Variants in LYPD6B observed in about 807,000 individuals in gnomAD.
The protein encoded by LYPD6B is LY6/PLAUR domain containing 6B.
A neutral mutation model predicts 22.8 loss-of-function variants in LYPD6B; 17 were observed. That is an observed-to-expected ratio of 0.75 (90% confidence interval 0.51 to 1.12). The LOEUF (loss-of-function observed/expected upper bound fraction) is 1.12. LYPD6B is among the 50% of genes most tolerant of loss of function. The pLI is 0.00. For synonymous variants in LYPD6B, 106 were observed against 91.6 expected (o/e 1.16, Z -0.90); for missense variants, 221 against 258.3 (o/e 0.86, Z 0.99).
intron 1 of LYPD6B, among the ~76,000 whole-genome samples, chr2:149,129,277 GC>G (rs1044788169): frequency 1.6e-4 from 24 of 152,176 alleles, no homozygotes; most frequent in Non-Finnish European, 3.5e-4. Flanking sequence ...AAATTTAAGA[GC>G]TATAGCGGGT....
chr2:149,194,955 T>G (rs1156462235), intron 3 of LYPD6B, among the ~76,000 whole-genome samples: 1 of 152,234 alleles, frequency 6.6e-6, no homozygotes, highest in Admixed American at 6.5e-5. Flanking sequence ...AGGCCGTTGT[T>G]GAACAGACCT....
intron 3 of LYPD6B, among the ~76,000 whole-genome samples, chr2:149,177,804 C>T (rs1375173620): frequency 6.6e-6 from 1 of 150,842 alleles, no homozygotes; most frequent in East Asian, 2.0e-4. Context: ...CTTCTCCTTA[C>T]ACAACCTGGC....
At chr2:149,143,712 A>T (rs1191038226) in intron 2 of LYPD6B, 1 of 152,184 alleles carries the variant, frequency 6.6e-6, no homozygotes, top group Non-Finnish European at 1.5e-5. Flanking sequence ...TTAAATTGCA[A>T]TTATAACTAA....
intron 2 of LYPD6B, among the ~76,000 whole-genome samples, chr2:149,136,538 A>G (rs1688382837): frequency 6.6e-6 from 1 of 152,204 alleles, no homozygotes; most frequent in Non-Finnish European, 1.5e-5. Flanking sequence ...CATGATTGCA[A>G]CTCTCTAATA....
In LYPD6B at chr2:149,077,055, G is replaced by T. The variant is rs138158625; in HGVS notation, c.-67+38254G>T. On this transcript the variant is annotated intron_variant, in intron 1 of 6. Coordinates refer to ENST00000409642, the MANE Select transcript of LYPD6B (RefSeq NM_177964.5). The stretch of plus-strand genomic sequence containing the variant: ...CATGCACTCCTGGTATTTGTAATTT[G>T]CAGTGATGACAAACTGTGCCTCTGG... Among the ~76,000 whole-genome samples, 312 of 152,340 alleles carry T rather than the reference G, an allele frequency of 2.0e-3. 2 individuals are homozygous for T. The highest frequency in any genetic ancestry group is 4.6e-3 in the Admixed American group (71 of 15,300).
intron 1 of LYPD6B, among the ~76,000 whole-genome samples, chr2:149,047,383 A>T (rs929428286): frequency 6.7e-6 from 1 of 150,218 alleles, no homozygotes; most frequent in Non-Finnish European, 1.5e-5. Flanking sequence ...TTGACAATTT[A>T]AAAAAAAAAT....
At chr2:149,064,767 G>A (rs2105333667) in intron 1 of LYPD6B, among the ~76,000 whole-genome samples, 1 of 152,298 alleles carries the variant, frequency 6.6e-6, no homozygotes. Context: ...GAGGCTGGTG[G>A]GAATTCTCTG....
At chr2:149,051,527 CA>C (rs1381458702) in intron 1 of LYPD6B, among the ~76,000 whole-genome samples, 12 of 152,228 alleles carry the variant, frequency 7.9e-5, no homozygotes, top group African/African-American at 2.9e-4. Flanking sequence ...GCTATACTTT[CA>C]GCTAGAATTC....
chr2:149,100,280 T>C (rs1686130776), intron 1 of LYPD6B, among the ~76,000 whole-genome samples: 1 of 152,126 alleles, frequency 6.6e-6, no homozygotes, highest in Non-Finnish European at 1.5e-5. Flanking sequence ...CATTGGCTCA[T>C]GAACTGATGC....
intron 4 of LYPD6B, among the ~76,000 whole-genome samples, chr2:149,208,081 C>A (rs1693613208): frequency 6.6e-6 from 1 of 152,114 alleles, no homozygotes; most frequent in South Asian, 2.1e-4. Context: ...TGTGGGACCA[C>A]TTTCATCACT....
At chr2:149,185,202 T>C (rs1692010003) in intron 3 of LYPD6B, among the ~76,000 whole-genome samples, 1 of 152,168 alleles carries the variant, frequency 6.6e-6, no homozygotes, top group East Asian at 1.9e-4. Flanking sequence ...AAGGCAAGAT[T>C]TTTTTCAGTG....
At chr2:149,092,200 A>T (rs536739001) in intron 1 of LYPD6B, among the ~76,000 whole-genome samples, 1 of 152,066 alleles carries the variant, frequency 6.6e-6, no homozygotes, top group African/African-American at 2.4e-5. Context: ...TGGGGGGGGA[A>T]TTTTAGATGT....
chr2:149,144,619 T>C (rs1482770167), intron 2 of LYPD6B, among the ~76,000 whole-genome samples: 2 of 152,250 alleles, frequency 1.3e-5, no homozygotes, highest in East Asian at 3.9e-4. Context: ...TTTGAACTCC[T>C]GGGCTCAAGT....
At position 149,149,770 on chromosome 2, in the gene LYPD6B, G is replaced by A. The variant is rs537584484; in HGVS notation, c.6-10994G>A. Among the ~76,000 whole-genome samples, 36 of 152,204 alleles carry A rather than the reference G, an allele frequency of 2.4e-4. No homozygotes were observed. In the South Asian group the frequency reaches 3.7e-3, roughly 16 times the overall value. ...CTTTCCTTCATATCGTCTATCCTCA[G>A]AAAGTATCCATGAATCAATCCTTCC... On this transcript the variant is annotated intron_variant, in intron 2 of 6. Transcript: ENST00000409642.
At chr2:149,147,906 C>CTGTGTGTG (rs61441741) in intron 2 of LYPD6B, among the ~76,000 whole-genome samples, 3,279 of 139,068 alleles carry the variant, frequency 0.024, 69 homozygotes, top group African/African-American at 0.036. Flanking sequence ...GCACATGGGC[C>CTGTGTGTG]TGTGTGTGTG....
chr2:149,147,829 G>A (rs1689125224), intron 2 of LYPD6B, among the ~76,000 whole-genome samples: 1 of 151,818 alleles, frequency 6.6e-6, no homozygotes, highest in Non-Finnish European at 1.5e-5. Context: ...TGATGCTTTG[G>A]TGTGACTATA....
In LYPD6B at chr2:149,115,508, T is replaced by C. The variant is rs149666375; in HGVS notation, c.-66-15375T>C. ...TCCCCTTGCAATTGAACAGGTCTTATGATTCTTGCTGGCCATCGAGTTGTG... is the reference window on the plus strand; with the variant it reads ...TCCCCTTGCAATTGAACAGGTCTTACGATTCTTGCTGGCCATCGAGTTGTG... On this transcript the variant is annotated intron_variant, in intron 1 of 6. Transcript: ENST00000409642. Among the ~76,000 whole-genome samples the C allele has an allele frequency of 3.0e-3, 459 of 152,368 alleles. 1 individual carries two copies. Among genetic ancestry groups the C allele is most frequent in the African/African-American group, 0.01 (432 of 41,576 alleles).
intron 1 of LYPD6B, among the ~76,000 whole-genome samples, chr2:149,039,430 G>A (rs1418793038): frequency 6.6e-6 from 1 of 152,204 alleles, no homozygotes; most frequent in Non-Finnish European, 1.5e-5. Context: ...ATGCCCTGTG[G>A]CGTTTGGGGG....
intron 3 of LYPD6B, among the ~76,000 whole-genome samples, chr2:149,198,846 CTCTT>C (rs1391653797): frequency 1.3e-5 from 2 of 152,162 alleles, no homozygotes; most frequent in East Asian, 1.9e-4. Context: ...ACATTTATGA[CTCTT>C]TATGGAATAA....
Sources: allele counts gnomAD v4.1 joint callset (sites outside exome capture counted in the v4.1 genomes callset), GRCh38; gene constraint gnomAD v4.1.1; transcripts MANE v1.5; gene names NCBI Gene and HGNC (gene_info 2026-07-23, HGNC 2026-07-21).